The following RYK variants were observed in gnomAD, a reference collection of about 807,000 sequenced individuals.
The protein encoded by RYK is receptor like tyrosine kinase.
RYK carries 21 observed loss-of-function variants against 70.2 expected under a neutral mutation model. That is an observed-to-expected ratio of 0.30 (90% CI 0.21 to 0.43). The LOEUF (loss-of-function observed/expected upper bound fraction) is 0.43, where lower values mean the gene tolerates loss of function less well. RYK is among the 20% of genes least tolerant of loss of function. RYK has a pLI of 1.00. For missense variants in RYK, 604 were observed against 753.3 expected (o/e 0.80, Z 2.32); for synonymous variants, 267 against 278.0 (o/e 0.96, Z 0.39).
At chr3:134,180,185 A>C (rs1487745422) in intron 10 of RYK, 1 of 152,152 alleles carries the variant, frequency 6.6e-6, no homozygotes, top group East Asian at 1.9e-4. Context: ...GTTCACCATC[A>C]GGCATCTTTG....
At chr3:134,202,096 A>G (rs920082442) in intron 6 of RYK, among the ~76,000 whole-genome samples, 13 of 152,024 alleles carry the variant, frequency 8.6e-5, no homozygotes, top group Non-Finnish European at 1.8e-4. Context: ...TTGAAACTAT[A>G]AAGTATATCA....
chr3:134,237,103 A>G (rs2015216622), intron 1 of RYK, among the ~76,000 whole-genome samples: 1 of 152,220 alleles, frequency 6.6e-6, no homozygotes, highest in South Asian at 2.1e-4. Context: ...GGCTTATCAA[A>G]AAAAATTCAT....
chr3:134,202,850 G>T lies in RYK; in HGVS notation c.668C>A (p.Thr223Asn). The change falls in exon 6 of 15, where the codon ACC becomes AAC. Residue 223 changes from threonine (T) to asparagine (N), a missense_variant. Physicochemically the swap from Thr to Asn is moderately conservative, Grantham distance 65. Transcript: ENST00000623711. ...TIYDPVHAAP[T>N]TSTRVFYISV... Reference sequence around the variant, plus strand: ...AATATAAAACACACGCGTAGAAGTGGTTGGAGCTGCATGTACAGGATCATC... The same window carrying T: ...AATATAAAACACACGCGTAGAAGTGTTTGGAGCTGCATGTACAGGATCATC... 1 of 1,613,670 alleles carries T rather than the reference G, an allele frequency of 6.2e-7. No homozygotes were observed. The highest frequency in any genetic ancestry group is 1.3e-5 in the African/African-American group (1 of 75,032).
chr3:134,175,890 A>C, intron 12 of RYK, 40 bp downstream of exon 12: 1 of 1,550,072 alleles, frequency 6.5e-7, no homozygotes, highest in Non-Finnish European at 8.9e-7. Flanking sequence ...TCCAGGAAGC[A>C]CTCTACATCA....
chr3:134,237,929 G>GA (rs547101013), intron 1 of RYK, among the ~76,000 whole-genome samples: 179 of 152,192 alleles, frequency 1.2e-3, no homozygotes, highest in African/African-American at 3.9e-3. Flanking sequence ...ATTAATCAGA[G>GA]AAAAAACCAA....
chr3:134,237,865 A>C (rs1055274119), intron 1 of RYK, among the ~76,000 whole-genome samples: 1 of 152,216 alleles, frequency 6.6e-6, no homozygotes, highest in Non-Finnish European at 1.5e-5. Context: ...TTAAGTAAAA[A>C]TTCATTTAGT....
chr3:134,199,950 T>C (rs13071145), intron 6 of RYK, among the ~76,000 whole-genome samples: 1,999 of 8,234 alleles, frequency 0.24, 283 homozygotes, highest in Non-Finnish European at 0.6. Flanking sequence ...AACTTTTCTG[T>C]CTAGCTAAAG....
At chr3:134,174,323 G>A (rs1037635620) in intron 13 of RYK, among the ~76,000 whole-genome samples, 6 of 152,136 alleles carry the variant, frequency 3.9e-5, no homozygotes, top group African/African-American at 1.2e-4. Flanking sequence ...ATTTGCTACA[G>A]CAGCCACAGA....
intron 1 of RYK, among the ~76,000 whole-genome samples, chr3:134,229,211 G>C (rs1576532466): frequency 6.6e-6 from 1 of 151,904 alleles, no homozygotes; most frequent in East Asian, 1.9e-4. Context: ...TCCCTCTCTG[G>C]GGCTCTGTCG....
intron 2 of RYK, among the ~76,000 whole-genome samples, chr3:134,218,398 T>G (rs1057202944): frequency 2.6e-5 from 4 of 151,832 alleles, no homozygotes; most frequent in Admixed American, 2.0e-4. Context: ...GAAAAGAAAA[T>G]CAACTATTAC....
intron 6 of RYK, among the ~76,000 whole-genome samples, chr3:134,197,643 T>C (rs1212145615): frequency 2.6e-5 from 4 of 152,132 alleles, no homozygotes; most frequent in African/African-American, 7.2e-5. Context: ...ATCAAAGCTG[T>C]TAGAAGTCCA....
chr3:134,193,495 T>G (rs1214266116), intron 7 of RYK, among the ~76,000 whole-genome samples: 1 of 152,152 alleles, frequency 6.6e-6, no homozygotes, highest in East Asian at 1.9e-4. Flanking sequence ...TTTGACTTTT[T>G]TAAGAAAGTA....
intron 13 of RYK, among the ~76,000 whole-genome samples, chr3:134,168,634 G>C (rs531214272): frequency 7.0e-6 from 1 of 142,618 alleles, no homozygotes; most frequent in Admixed American, 7.0e-5. Context: ...GTAGGGGGAT[G>C]GGGGAGGGAT....
At chr3:134,210,365 T>C (rs926104469) in intron 3 of RYK, among the ~76,000 whole-genome samples, 2 of 152,218 alleles carry the variant, frequency 1.3e-5, no homozygotes, top group African/African-American at 4.8e-5. Context: ...TCCATAATTG[T>C]AACAATGGGA....
intron 2 of RYK, among the ~76,000 whole-genome samples, chr3:134,213,166 A>G (rs1213232301): frequency 3.3e-5 from 5 of 152,216 alleles, no homozygotes; most frequent in Non-Finnish European, 5.9e-5. Flanking sequence ...CAAAGAATGC[A>G]TTATACATCC....
intron 1 of RYK, among the ~76,000 whole-genome samples, chr3:134,228,796 A>G (rs2014977775): frequency 6.6e-6 from 1 of 152,194 alleles, no homozygotes; most frequent in African/African-American, 2.4e-5. Flanking sequence ...TCTAACACAC[A>G]GTAGAGTCAC....
At chr3:134,204,949 T>C (rs1057016388) in intron 5 of RYK, among the ~76,000 whole-genome samples, 24 of 152,042 alleles carry the variant, frequency 1.6e-4, no homozygotes, top group African/African-American at 5.6e-4. Flanking sequence ...ACCAGAGTAA[T>C]TCAGAGAGAC....
chr3:134,244,072 ATTTAT>A (rs1446419419), intron 1 of RYK, among the ~76,000 whole-genome samples: 5 of 152,186 alleles, frequency 3.3e-5, no homozygotes, highest in African/African-American at 9.7e-5. Context: ...TCCAGAAGAT[ATTTAT>A]TTTAAGAGGA....
At chr3:134,193,832 T>C (rs953894218) in intron 7 of RYK, among the ~76,000 whole-genome samples, 2 of 152,218 alleles carry the variant, frequency 1.3e-5, no homozygotes, top group African/African-American at 2.4e-5. Flanking sequence ...CTTCTTCAAG[T>C]AGTATTTCCT....
Sources: gnomAD v4.1 joint callset for allele counts (sites outside exome capture counted in the v4.1 genomes callset) on GRCh38, gnomAD v4.1.1 for gene constraint, MANE v1.5 for transcripts, NCBI Gene and HGNC (gene_info 2026-07-23, HGNC 2026-07-21) for gene names.